Variants in NDRG4 observed in about 807,000 individuals in gnomAD.
The protein encoded by NDRG4 is NDRG family member 4.
NDRG4 carries 38 observed loss-of-function variants against 55.8 expected under a neutral mutation model. The ratio of observed to expected loss-of-function variants is 0.68; its 90% CI spans 0.53 to 0.89. The LOEUF (loss-of-function observed/expected upper bound fraction) is 0.89, where lower values mean the gene tolerates loss of function less well. NDRG4 is among the 40% of genes least tolerant of loss of function. NDRG4 has a pLI of 0.00. For synonymous variants in NDRG4, 190 were observed against 182.7 expected (o/e 1.04, Z -0.32); for missense variants, 455 against 468.6 (o/e 0.97, Z 0.27).
chr16:58,492,281 C>T (rs1299988465), intron 2 of NDRG4, among the ~76,000 whole-genome samples: 1 of 152,110 alleles, frequency 6.6e-6, no homozygotes, highest in Non-Finnish European at 1.5e-5. Flanking sequence ...ACACACCACT[C>T]CTCTGCCTCC....
At chr16:58,509,976 G>C (rs1036222283) in intron 13 of NDRG4, among the ~76,000 whole-genome samples, 20 of 152,150 alleles carry the variant, frequency 1.3e-4, no homozygotes, top group Non-Finnish European at 2.6e-4. Context: ...CCCCTTGTGT[G>C]TCTCCTTGAC....
chr16:58,493,945 T>C (rs2036088726), intron 2 of NDRG4, among the ~76,000 whole-genome samples: 1 of 152,036 alleles, frequency 6.6e-6, no homozygotes, highest in African/African-American at 2.4e-5. Context: ...CCGCAGAGTG[T>C]CTGTGGGCCC....
chr16:58,491,621 C>G (rs190242793), intron 2 of NDRG4, among the ~76,000 whole-genome samples: 1 of 150,518 alleles, frequency 6.6e-6, no homozygotes, highest in Non-Finnish European at 1.5e-5. Context: ...CCACCACACC[C>G]GGCTAATTTT....
At chr16:58,508,864 A>AC in intron 10 of NDRG4, 98 bp from the exon 11 acceptor site, 2 of 1,360,032 alleles carry the variant, frequency 1.5e-6, no homozygotes, top group Non-Finnish European at 2.1e-6. Flanking sequence ...GCCTCCCTGC[A>AC]CCCCCTCTCC....
intron 1 of NDRG4, chr16:58,500,979 A>G (rs2037008957): frequency 4.8e-6 from 6 of 1,243,092 alleles, no homozygotes; most frequent in Non-Finnish European, 6.0e-6. Flanking sequence ...TGCCTGCCTT[A>G]TTTTGTAGGT....
At chr16:58,468,938 GT>G (rs1267478264) in intron 1 of NDRG4, among the ~76,000 whole-genome samples, 1 of 152,180 alleles carries the variant, frequency 6.6e-6, no homozygotes, top group African/African-American at 2.4e-5. Flanking sequence ...CGAGCAATAT[GT>G]TCCAAAACGG....
At chr16:58,507,571 C>A in intron 8 of NDRG4, 2 of 547,026 alleles carry the variant, frequency 3.7e-6, no homozygotes, top group Non-Finnish European at 6.5e-6. Flanking sequence ...GTAGCAGAAA[C>A]TCCCACAGCA....
intron 1 of NDRG4, chr16:58,501,946 A>C (rs1597279483): frequency 4.4e-6 from 2 of 455,364 alleles, no homozygotes. Flanking sequence ...TTTATGCAGC[A>C]GGAGGCGCAT....
chr16:58,478,470 A>G (rs2033982295), intron 1 of NDRG4, among the ~76,000 whole-genome samples: 1 of 152,146 alleles, frequency 6.6e-6, no homozygotes, highest in East Asian at 1.9e-4. Flanking sequence ...GGACATACCA[A>G]CTAAATACGA....
At position 58,464,724 on chromosome 16, in the gene NDRG4, G is replaced by T. The variant is rs1440214988; in HGVS notation, c.-24+927G>T. ...GGTGGCCCCATGGGGTCTCTGACCAGCGGAGCTCGGATTAGGACCCTGAAA... is the reference window on the plus strand; with the variant it reads ...GGTGGCCCCATGGGGTCTCTGACCATCGGAGCTCGGATTAGGACCCTGAAA... On this transcript the variant is annotated intron_variant, in intron 1 of 15. Transcript: ENST00000258187. This position sits in a 1 kb window ranked among gnomAD's most constrained non-coding sequence, Gnocchi z 4.8. 8 of 1,262,320 alleles carry T rather than the reference G, an allele frequency of 6.3e-6. No individual in the cohort carries two copies. Among genetic ancestry groups the T allele is most frequent in the Non-Finnish European group, 8.0e-6 (8 of 1,001,004 alleles). 78.2% of individuals were successfully genotyped at this position (1,262,320 alleles called of 1,614,324 possible).
chr16:58,470,634 C>T (rs757295136), intron 1 of NDRG4, among the ~76,000 whole-genome samples: 6 of 151,630 alleles, frequency 4.0e-5, no homozygotes, highest in South Asian at 2.1e-4. Flanking sequence ...GGGCTGGGTG[C>T]GGTGGCTCAC....
intron 8 of NDRG4, 103 bp from the exon 9 acceptor site, chr16:58,507,703 GTC>G (rs1387648574): frequency 9.2e-7 from 1 of 1,086,484 alleles, no homozygotes; most frequent in Non-Finnish European, 1.4e-6. Flanking sequence ...TGCAGAGCAG[GTC>G]CACGCCTCCC....
intron 13 of NDRG4, 128 bp from the exon 14 acceptor site, chr16:58,510,515 CCT>C: frequency 1.3e-6 from 1 of 764,194 alleles, no homozygotes; most frequent in Non-Finnish European, 2.2e-6. Flanking sequence ...CTGCCCCCAG[CCT>C]CTCTGTGCCT....
chr16:58,505,083 C>A (rs956618556), intron 5 of NDRG4, among the ~76,000 whole-genome samples: 4 of 152,172 alleles, frequency 2.6e-5, no homozygotes, highest in Admixed American at 6.5e-5. Flanking sequence ...TTGTCGGTGG[C>A]TCACACCTGT....
intron 2 of NDRG4, 100 bp downstream of exon 2, chr16:58,504,003 C>T (rs760080317): frequency 5.8e-6 from 9 of 1,544,094 alleles, no homozygotes; most frequent in South Asian, 3.3e-5. Flanking sequence ...GCCCCACTCA[C>T]ACTCACCTCT....
chr16:58,464,705 C>T lies in NDRG4; in HGVS notation c.-24+908C>T. ...GCGGGAGCACCGGTCAGGGGGTGGC[C>T]CCATGGGGTCTCTGACCAGCGGAGC... On this transcript the variant is annotated intron_variant, in intron 1 of 15. Coordinates refer to the NDRG4 transcript ENST00000258187. This position sits in a 1 kb window ranked among gnomAD's most constrained non-coding sequence, Gnocchi z 4.8. The T allele has an allele frequency of 8.2e-7, 1 of 1,214,838 alleles. No individual in the cohort carries two copies. The highest frequency in any genetic ancestry group is 1.0e-6 in the Non-Finnish European group (1 of 958,074). 75.3% of individuals were successfully genotyped at this position (1,214,838 alleles called of 1,614,324 possible). A position where few individuals can be genotyped will look rare whatever the true frequency, so the allele number is the denominator to read the frequency against.
At chr16:58,495,318 GTCC>G (rs35369385), upstream of NDRG4, 853 of 342,340 alleles carry the variant, frequency 2.5e-3, 11 homozygotes, top group African/African-American at 0.016. Flanking sequence ...GGACAACCCT[GTCC>G]TCCTTAGTTG....
chr16:58,506,158 CTGTGTG>C (rs1555486673), intron 5 of NDRG4: 23 of 430,430 alleles, frequency 5.3e-5, no homozygotes, highest in South Asian at 5.0e-4. Context: ...GTGTGTGTGT[CTGTGTG>C]TGTGTAGGGG....
upstream of NDRG4, among the ~76,000 whole-genome samples, chr16:58,495,934 C>A (rs1418301434): frequency 1.3e-5 from 2 of 152,050 alleles, no homozygotes; most frequent in Admixed American, 6.6e-5. Flanking sequence ...GGGAAGTGGT[C>A]GGGAGCTGGC....
Sources: gnomAD v4.1 joint callset for allele counts (sites outside exome capture counted in the v4.1 genomes callset) on GRCh38, gnomAD v4.1.1 for gene constraint, Gnocchi (gnomAD v3.1) non-coding constraint, MANE v1.5 for transcripts, NCBI Gene and HGNC (gene_info 2026-07-23, HGNC 2026-07-21) for gene names.